The following FAM53B variants were observed in gnomAD, a reference collection of about 807,000 sequenced individuals.
FAM53B encodes the protein family with sequence similarity 53 member B.
Under a neutral mutation model 32.7 loss-of-function variants are expected in FAM53B, and 12 were observed. The observed-to-expected ratio is 0.37, with a 90% CI of 0.24 to 0.59. The LOEUF is 0.59. Ranked by LOEUF, FAM53B falls within the 20% of genes least tolerant of loss-of-function variation. FAM53B has a pLI of 0.72. For synonymous variants in FAM53B, 234 were observed against 228.7 expected (o/e 1.02, Z -0.21); for missense variants, 477 against 577.7 (o/e 0.83, Z 1.79).
At chr10:124,741,632 G>A (rs1450017414) in intron 1 of FAM53B, among the ~76,000 whole-genome samples, 2 of 152,198 alleles carry the variant, frequency 1.3e-5, no homozygotes, top group Non-Finnish European at 2.9e-5. Context: ...TAGAGAGGAT[G>A]GAGAGGCTAG....
chr10:124,674,185 T>C (rs1949723888), intron 4 of FAM53B, among the ~76,000 whole-genome samples: 1 of 152,132 alleles, frequency 6.6e-6, no homozygotes, highest in Non-Finnish European at 1.5e-5. Flanking sequence ...GGCCTTCTTC[T>C]GGGGAGCAGG....
chr10:124,646,640 T>C (rs1949517250), intron 4 of FAM53B, among the ~76,000 whole-genome samples: 1 of 152,202 alleles, frequency 6.6e-6, no homozygotes, highest in Non-Finnish European at 1.5e-5. Context: ...ATGGCCACCC[T>C]GTGACGCTCT....
intron 4 of FAM53B, among the ~76,000 whole-genome samples, chr10:124,637,358 G>C (rs938492439): frequency 1.4e-4 from 22 of 152,194 alleles, no homozygotes; most frequent in Admixed American, 5.2e-4. Context: ...GGCATGCCCT[G>C]GGGAAGTCTT....
intron 4 of FAM53B, among the ~76,000 whole-genome samples, chr10:124,677,445 C>A (rs889044701): frequency 1.3e-5 from 2 of 152,258 alleles, no homozygotes; most frequent in African/African-American, 2.4e-5. Flanking sequence ...GCCGGGCTTG[C>A]GCAGGGATCG....
chr10:124,671,787 C>T (rs1564873651), intron 4 of FAM53B, among the ~76,000 whole-genome samples: 1 of 151,658 alleles, frequency 6.6e-6, no homozygotes, highest in Non-Finnish European at 1.5e-5. Flanking sequence ...TTTTTTTAAG[C>T]CACTCCTCCC....
intron 2 of FAM53B, among the ~76,000 whole-genome samples, chr10:124,698,656 C>T (rs1949891495): frequency 6.6e-6 from 1 of 152,112 alleles, no homozygotes; most frequent in African/African-American, 2.4e-5. Flanking sequence ...CCATTTCTAA[C>T]CTGGAAAACT....
rs528761961 is a variant in FAM53B at position 124,722,049 on chromosome 10, G to A, written c.-174-15162C>T. On this transcript the variant is annotated intron_variant, in intron 1 of 4. Coordinates refer to ENST00000337318, the MANE Select transcript of FAM53B (RefSeq NM_014661.4). ...AGGCTGGGAAGGGTAGGGGGAAGGC[G>A]GGGAACAGGAAGAGATTTGTTAAAG... Among the ~76,000 whole-genome samples, 407 of 152,300 alleles carry A rather than the reference G, an allele frequency of 2.7e-3. 2 individuals are homozygous for A. The highest frequency in any genetic ancestry group is 9.5e-3 in the African/African-American group (395 of 41,558).
chr10:124,640,031 C>G (rs1288661634), intron 4 of FAM53B, among the ~76,000 whole-genome samples: 1 of 152,206 alleles, frequency 6.6e-6, no homozygotes, highest in Non-Finnish European at 1.5e-5. Flanking sequence ...TACCAGAATT[C>G]AGGATGGCAG....
chr10:124,690,923 C>T (rs1229261154), intron 3 of FAM53B, among the ~76,000 whole-genome samples: 2 of 152,144 alleles, frequency 1.3e-5, no homozygotes, highest in Non-Finnish European at 2.9e-5. Context: ...TTCAAAATGG[C>T]TGTCTCTGCA....
intron 1 of FAM53B, among the ~76,000 whole-genome samples, chr10:124,727,220 G>A (rs540126122): frequency 1.7e-4 from 25 of 150,906 alleles, no homozygotes; most frequent in African/African-American, 5.6e-4. Context: ...TTTTCTCTAC[G>A]TTGACTAGGC....
chr10:124,649,533 CAAGGTA>C (rs1436312036), intron 4 of FAM53B, among the ~76,000 whole-genome samples: 6 of 152,236 alleles, frequency 3.9e-5, no homozygotes, highest in African/African-American at 1.4e-4. Flanking sequence ...TCGCATAACA[CAAGGTA>C]TTGCCAAAAT....
At chr10:124,696,031 G>A in intron 3 of FAM53B, 127 bp downstream of exon 3, 1 of 763,688 alleles carries the variant, frequency 1.3e-6, no homozygotes, top group Non-Finnish European at 2.3e-6. Flanking sequence ...AAAACACACA[G>A]AAGAGTCCCG....
intron 1 of FAM53B, among the ~76,000 whole-genome samples, chr10:124,737,309 A>G (rs1259794651): frequency 6.6e-6 from 1 of 152,156 alleles, no homozygotes; most frequent in East Asian, 1.9e-4. Flanking sequence ...GCAGACTGAC[A>G]CACTTTTGGC....
At chr10:124,679,397 G>A (rs1949754835) in intron 4 of FAM53B, among the ~76,000 whole-genome samples, 1 of 152,174 alleles carries the variant, frequency 6.6e-6, no homozygotes, top group Non-Finnish European at 1.5e-5. Context: ...CACGCACAAG[G>A]CCGTGCACTC....
chr10:124,623,525 T>A lies in FAM53B; in HGVS notation c.986A>T (p.His329Leu). ...DCGPQSPFAR[H>L]VSNTRAWTAL... ...GGTCCAGGCCCTGGTGTTGCTGACG[T>A]GGCGGGCGAAGGGGCTCTGGGGACC... Residue 329 changes from histidine to leucine, a missense_variant, in exon 5 of 5, where the codon CAC (histidine) becomes CTC (leucine). His to Leu is a moderately conservative substitution (Grantham distance 99). Coordinates refer to ENST00000337318, the MANE Select transcript of FAM53B (RefSeq NM_014661.4). 6.5e-7 allele frequency: 1 copy of A among 1,549,850 alleles called. No homozygotes were observed. Among genetic ancestry groups the A allele is most frequent in the Non-Finnish European group, 8.7e-7 (1 of 1,148,668 alleles).
intron 1 of FAM53B, among the ~76,000 whole-genome samples, chr10:124,739,298 A>T (rs1341153163): frequency 2.0e-5 from 3 of 152,256 alleles, no homozygotes; most frequent in African/African-American, 7.2e-5. Context: ...TGGGCCAGTT[A>T]CTTGGCCTCT....
At chr10:124,691,997 C>A (rs1949835596) in intron 3 of FAM53B, among the ~76,000 whole-genome samples, 1 of 152,216 alleles carries the variant, frequency 6.6e-6, no homozygotes, top group African/African-American at 2.4e-5. Flanking sequence ...ACCCATGTTT[C>A]CTGTGTCGAG....
At chr10:124,705,294 G>C (rs906366741) in intron 2 of FAM53B, among the ~76,000 whole-genome samples, 1 of 145,516 alleles carries the variant, frequency 6.9e-6, no homozygotes, top group Non-Finnish European at 1.5e-5. Context: ...AGTGGGGCTA[G>C]AGGGGCAGGA....
chr10:124,684,447 T>C (rs1307468556), intron 3 of FAM53B, among the ~76,000 whole-genome samples: 1 of 152,242 alleles, frequency 6.6e-6, no homozygotes, highest in African/African-American at 2.4e-5. Context: ...CCTTTGGGTA[T>C]TCACCATTCT....
Sources: gnomAD v4.1 joint callset for allele counts (sites outside exome capture counted in the v4.1 genomes callset) on GRCh38, gnomAD v4.1.1 for gene constraint, MANE v1.5 for transcripts, NCBI Gene and HGNC (gene_info 2026-07-23, HGNC 2026-07-21) for gene names.